TRIM14: variants seen among roughly 807,000 people sequenced by gnomAD.
TRIM14 encodes tripartite motif-containing protein 14.
A neutral mutation model predicts 44.5 loss-of-function variants in TRIM14; 28 were observed. That is an observed-to-expected ratio of 0.63 (90% confidence interval 0.47 to 0.86). The LOEUF (loss-of-function observed/expected upper bound fraction) is 0.86, where lower values mean the gene tolerates loss of function less well. Ranked by LOEUF, TRIM14 falls within the 40% of genes least tolerant of loss-of-function variation. The probability of loss-of-function intolerance (pLI) is 0.00; values close to 1 mark genes in which losing one functional copy is unlikely to be tolerated. For synonymous variants in TRIM14, 299 were observed against 269.2 expected, an observed-to-expected ratio of 1.11 and a Z score of -1.08; for missense variants, 607 against 611.1, an observed-to-expected ratio of 0.99 and a Z score of 0.07.
At chr9:98,108,542 C>T (rs1242592097) in intron 2 of TRIM14, among the ~76,000 whole-genome samples, 2 of 152,140 alleles carry the variant, frequency 1.3e-5, no homozygotes, top group Non-Finnish European at 2.9e-5. Flanking sequence ...CATATCTGCT[C>T]AGGCATTTGC....
At chr9:98,101,319 CTGAAATACAGTCTG>C (rs989163721) in intron 2 of TRIM14, among the ~76,000 whole-genome samples, 1 of 152,004 alleles carries the variant, frequency 6.6e-6, no homozygotes, top group Non-Finnish European at 1.5e-5. Context: ...TTTTAAGAGA[CTGAAATACAGTCTG>C]TAAGGGTATG....
rs1369829174 is a variant in TRIM14 at position 98,119,215 on chromosome 9, G to A, written c.-27C>T. ...CATCTCCACCTCCTCCGGCTCCCCG[G>A]GACACAGGGCGGGGCTCCCAAGGGA... On this transcript the variant is annotated 5_prime_UTR_variant, in exon 1 of 6. Transcript: ENST00000341469. 6 of 1,561,262 alleles carry A rather than the reference G, an allele frequency of 3.8e-6. No homozygotes were observed. The South Asian group carries it at 7.0e-5, about 18-fold the overall frequency.
At chr9:98,066,195 T>C (rs1346864256), downstream of TRIM14, among the ~76,000 whole-genome samples, 2 of 152,150 alleles carry the variant, frequency 1.3e-5, no homozygotes, top group Non-Finnish European at 2.9e-5. Context: ...AAAACAATAA[T>C]AACCAATCAG....
intron 2 of TRIM14, among the ~76,000 whole-genome samples, chr9:98,105,880 C>G (rs1826592838): frequency 6.6e-6 from 1 of 152,184 alleles, no homozygotes; most frequent in African/African-American, 2.4e-5. Flanking sequence ...CCCCCGGGCC[C>G]AGGGAAAAGA....
the TRIM14 span, among the ~76,000 whole-genome samples, chr9:98,048,193 T>A: frequency 6.6e-6 from 1 of 152,156 alleles, no homozygotes; most frequent in African/African-American, 2.4e-5. Flanking sequence ...ATTAAATGCA[T>A]GGTAAAATCA....
At chr9:98,051,505 C>T in the TRIM14 span, among the ~76,000 whole-genome samples, 30 of 143,950 alleles carry the variant, frequency 2.1e-4, no homozygotes, top group African/African-American at 8.1e-4. Flanking sequence ...GAACCATAGA[C>T]TTTACAGTAG....
In TRIM14 at chr9:98,072,343, G is replaced by T. The variant is rs147423850; in HGVS notation, c.*29-2656C>A. ...CTATTTGGGCAGGTAGGTTCCTCTG[G>T]ATGAGGAATGCCTTTTGTCCCCAGC... On this transcript the variant is annotated intron_variant, in intron 6 of 6. Coordinates refer to the TRIM14 transcript ENST00000375098. Among the ~76,000 whole-genome samples the T allele has an allele frequency of 8.5e-5, 13 of 152,180 alleles. No homozygotes were observed. In the East Asian group the frequency reaches 2.5e-3, roughly 29 times the overall value.
intron 5 of TRIM14, among the ~76,000 whole-genome samples, chr9:98,090,688 T>C (rs1385502562): frequency 6.6e-6 from 1 of 151,770 alleles, no homozygotes; most frequent in Non-Finnish European, 1.5e-5. Flanking sequence ...CTCAGTCTCC[T>C]GAGCAGCTAG....
At chr9:98,078,560 G>T (rs987419183) in intron 6 of TRIM14, among the ~76,000 whole-genome samples, 2 of 152,096 alleles carry the variant, frequency 1.3e-5, no homozygotes, top group Non-Finnish European at 2.9e-5. Flanking sequence ...TCTTGGCCAG[G>T]CGCGGTGGGT....
At chr9:98,065,348 T>C (rs193250985), downstream of TRIM14, among the ~76,000 whole-genome samples, 1 of 148,618 alleles carries the variant, frequency 6.7e-6, no homozygotes, top group Admixed American at 6.7e-5. Flanking sequence ...GTTTCGTTAT[T>C]GTTGCCCAGG....
intron 2 of TRIM14, among the ~76,000 whole-genome samples, chr9:98,104,245 A>C (rs1040788151): frequency 9.9e-5 from 15 of 152,250 alleles, no homozygotes; most frequent in African/African-American, 3.6e-4. Flanking sequence ...AATAAAATGT[A>C]TTTCAAACTC....
chr9:98,112,629 T>C (rs1331632128), intron 1 of TRIM14, among the ~76,000 whole-genome samples: 1 of 151,496 alleles, frequency 6.6e-6, no homozygotes, highest in Non-Finnish European at 1.5e-5. Context: ...AGAAACCCCG[T>C]CTCTACTAAA....
chr9:98,088,156 G>A (rs1825865835), intron 5 of TRIM14, 151 bp from the exon 6 acceptor site: 1 of 839,998 alleles, frequency 1.2e-6, no homozygotes, highest in Middle Eastern at 3.8e-4. Flanking sequence ...AACCGCGACT[G>A]CCCCTGGGGC....
At chr9:98,066,756 T>G (rs528942869), downstream of TRIM14, among the ~76,000 whole-genome samples, 1 of 152,016 alleles carries the variant, frequency 6.6e-6, no homozygotes, top group Non-Finnish European at 1.5e-5. Context: ...GTTCAAGCAA[T>G]TCTCCTGCCT....
In TRIM14 at chr9:98,086,996, G is replaced by A. The variant is rs1476970102; in HGVS notation, c.*474C>T. 7.2e-6 allele frequency: 2 copies of A among 276,854 alleles called. No individual in the cohort carries two copies. Among genetic ancestry groups the A allele is most frequent in the African/African-American group, 4.5e-5 (2 of 44,552 alleles). 17.1% of individuals were successfully genotyped at this position (276,854 alleles called of 1,614,324 possible). On this transcript the variant is annotated 3_prime_UTR_variant, in exon 6 of 6. Transcript: ENST00000341469. ...GAGGGAGCTGTGATGTGGACACGCT[G>A]AAATCGGTGGGGAGGAAGCGGAAGA...
At chr9:98,056,937 C>T in the TRIM14 span, 577 of 1,587,142 alleles carry the variant, frequency 3.6e-4, 6 homozygotes, top group South Asian at 6.1e-3. Flanking sequence ...TCCGCATGGC[C>T]AAGGTGAGGC....
chr9:98,111,279 A>G (rs904051994), intron 1 of TRIM14, among the ~76,000 whole-genome samples: 3 of 151,210 alleles, frequency 2.0e-5, no homozygotes, highest in Admixed American at 1.3e-4. Context: ...ACCTTACGTA[A>G]TGAAATTCAA....
intron 2 of TRIM14, among the ~76,000 whole-genome samples, chr9:98,109,026 C>T (rs1587971963): frequency 6.6e-6 from 1 of 151,914 alleles, no homozygotes; most frequent in Admixed American, 6.6e-5. Context: ...TGCAGGCGTG[C>T]ACCACCATAC....
At position 98,095,066 on chromosome 9, in the gene TRIM14, G is replaced by A; in HGVS notation, c.538-37C>T. 1 of 1,591,156 alleles carries A rather than the reference G, an allele frequency of 6.3e-7. No individual in the cohort carries two copies. The highest frequency in any genetic ancestry group is 8.5e-7 in the Non-Finnish European group (1 of 1,170,754). Reference sequence around the variant, plus strand: ...CACGGGGGTGAGGGTGGCTCTGGGAGATGCAGGCAGCATCCCAGCCTCCTG... The same window carrying A: ...CACGGGGGTGAGGGTGGCTCTGGGAAATGCAGGCAGCATCCCAGCCTCCTG... On this transcript the variant is annotated intron_variant, in intron 3 of 5. Transcript: ENST00000341469. This position sits in a 1 kb window ranked among gnomAD's most constrained non-coding sequence, Gnocchi z 4.1.
Sources: gnomAD v4.1 joint callset for allele counts (sites outside exome capture counted in the v4.1 genomes callset) on GRCh38, gnomAD v4.1.1 for gene constraint, Gnocchi (gnomAD v3.1) non-coding constraint, MANE v1.5 for transcripts, NCBI Gene and HGNC (gene_info 2026-07-23, HGNC 2026-07-21) for gene names.